The following CEP290 variants were observed in gnomAD, a reference collection of about 807,000 sequenced individuals.
CEP290 encodes centrosomal protein of 290 kDa.
A neutral mutation model predicts 344.9 loss-of-function variants in CEP290; 317 were observed. The observed-to-expected ratio is 0.92, with a 90% CI of 0.84 to 1.01. The LOEUF (loss-of-function observed/expected upper bound fraction) is 1.01. Ranked by LOEUF, CEP290 falls within the 50% of genes least tolerant of loss-of-function variation. The pLI, the probability that CEP290 is intolerant of heterozygous loss-of-function variation, is 0.00. For missense variants in CEP290, 2,754 were observed against 2,761.4 expected (o/e 1.00, Z 0.06); for synonymous variants, 932 against 895.8 (o/e 1.04, Z -0.72).
At position 88,107,060 on chromosome 12, in the gene CEP290, T is replaced by G; in HGVS notation, c.2522A>C (p.Lys841Thr). Reference sequence around the variant, plus strand: ...ATCCTCAAGTTTTCTCTTTTCCTCTTTTATTGTTTTAGATTCTGTTTTCCA... The same window carrying G: ...ATCCTCAAGTTTTCTCTTTTCCTCTGTTATTGTTTTAGATTCTGTTTTCCA... ...ETWKTESKTI[K>T]EEKRKLEDQV... is the part of the protein sequence containing the mutation. Residue 841 changes from lysine (K) to threonine (T), a missense_variant, in exon 24 of 54, where the codon AAA becomes ACA. Lys to Thr is a moderately conservative substitution (Grantham distance 78). Coordinates refer to ENST00000552810, the MANE Select transcript of CEP290 (RefSeq NM_025114.4). 10 of 1,553,406 alleles carry G rather than the reference T, an allele frequency of 6.4e-6. No homozygotes were observed. Among genetic ancestry groups the G allele is most frequent in the Non-Finnish European group, 8.7e-6 (10 of 1,150,288 alleles).
chr12:88,122,524 C>A (rs2039467346), intron 13 of CEP290, among the ~76,000 whole-genome samples: 1 of 152,118 alleles, frequency 6.6e-6, no homozygotes, highest in Admixed American at 6.6e-5. Flanking sequence ...AGGAAGAATA[C>A]CATTAGCCAT....
At chr12:88,080,593 C>G (rs2036130190) in intron 37 of CEP290, among the ~76,000 whole-genome samples, 198 bp from the exon 38 acceptor site, 1 of 152,036 alleles carries the variant, frequency 6.6e-6, no homozygotes, top group South Asian at 2.1e-4. Flanking sequence ...TCAGGCCCAG[C>G]TAATTTTTGT....
intron 5 of CEP290, among the ~76,000 whole-genome samples, 169 bp from the exon 6 acceptor site, chr12:88,136,955 TAAG>T (rs778371357): frequency 1.2e-4 from 18 of 152,144 alleles, no homozygotes; most frequent in South Asian, 4.1e-4. Flanking sequence ...TTAACTTACT[TAAG>T]GTTAGTTCAC....
chr12:88,049,638 GTCT>G (rs2033286703), intron 53 of CEP290: 1 of 370,708 alleles, frequency 2.7e-6, no homozygotes, highest in Non-Finnish European at 4.8e-6. Flanking sequence ...TTGTGTTCTA[GTCT>G]TTGACTAAAA....
At chr12:88,071,660 T>C (rs1044033893) in intron 42 of CEP290, 121 bp downstream of exon 42, 1 of 880,800 alleles carries the variant, frequency 1.1e-6, no homozygotes, top group Non-Finnish European at 1.7e-6. Flanking sequence ...AAATCATAGA[T>C]AATAAATGAT....
At chr12:88,089,590 A>G (rs2036862515) in intron 30 of CEP290, 103 bp from the exon 31 acceptor site, 1 of 771,680 alleles carries the variant, frequency 1.3e-6, no homozygotes, top group Non-Finnish European at 1.9e-6. Flanking sequence ...GTTTTAACAC[A>G]GTGGCACATG....
intron 26 of CEP290, among the ~76,000 whole-genome samples, chr12:88,097,873 A>C (rs1565862428): frequency 6.6e-6 from 1 of 152,106 alleles, no homozygotes; most frequent in Non-Finnish European, 1.5e-5. Context: ...TGATGTTTAC[A>C]GTGAAAAGAA....
intron 46 of CEP290, among the ~76,000 whole-genome samples, chr12:88,061,868 T>C: frequency 6.6e-6 from 1 of 152,044 alleles, no homozygotes; most frequent in East Asian, 1.9e-4. Flanking sequence ...AACCTCCGCC[T>C]GCCAGGTTCA....
chr12:88,054,465 G>A (rs943317354), intron 50 of CEP290, 52 bp from the exon 51 acceptor site: 1 of 1,285,972 alleles, frequency 7.8e-7, no homozygotes, highest in South Asian at 1.3e-5. Context: ...GAAATATGAG[G>A]ATTTATAAAG....
chr12:88,115,141 ATC>A lies in CEP290; in HGVS notation c.1864_1865del (p.Asp622PhefsTer5), dbSNP rs1033594764. 3 of 1,496,952 alleles carry A rather than the reference ATC, an allele frequency of 2.0e-6. No individual in the cohort carries two copies. Among genetic ancestry groups the A allele is most frequent in the South Asian group, 1.2e-5 (1 of 80,702 alleles). 92.7% of individuals were successfully genotyped at this position (1,496,952 alleles called of 1,614,324 possible). A position where few individuals can be genotyped will look rare whatever the true frequency, so the allele number is the denominator to read the frequency against. ...CTATCACTGTCCTACTCCTTTCTAA[ATC>A]TCTTTCTTTTTCAATTAGTTCTCTT... is the stretch of plus-strand genomic sequence containing the variant. Reference protein sequence around the residue: ...LSRELIEKERDLERSRTVIAK... With the variant: ...LSRELIEKERXLERSRTVIAK... On this transcript the variant is annotated frameshift_variant, in exon 19 of 54. Transcript: ENST00000552810. LOFTEE classifies it high-confidence loss of function.
chr12:88,111,760 CT>C lies in CEP290; in HGVS notation c.2150del (p.Gln717ArgfsTer11). The C allele has an allele frequency of 6.2e-7, 1 of 1,605,040 alleles. No individual in the cohort carries two copies. ...QLTGRNEELRQELRESRKEAI... is the reference protein window; with the variant it reads ...QLTGRNEELRXELRESRKEAI... Reference sequence around the variant, plus strand: ...CCTCTTTCCGAGATTCCCTGAGCTCCTGTCTTAATTCTTCATTTCTTCCGGT... The same window carrying C: ...CCTCTTTCCGAGATTCCCTGAGCTCCGTCTTAATTCTTCATTTCTTCCGGT... On this transcript the variant is annotated frameshift_variant, in exon 21 of 54. Coordinates refer to ENST00000552810, the MANE Select transcript of CEP290 (RefSeq NM_025114.4). LOFTEE classifies it high-confidence loss of function.
At chr12:88,061,777 CT>C (rs869262265) in intron 46 of CEP290, among the ~76,000 whole-genome samples, 292 of 143,622 alleles carry the variant, frequency 2.0e-3, no homozygotes, top group South Asian at 2.9e-3. Context: ...AATATTTTTC[CT>C]TTTTTTTTTT....
intron 52 of CEP290, among the ~76,000 whole-genome samples, 178 bp downstream of exon 52, chr12:88,053,474 G>C (rs1383553859): frequency 6.7e-6 from 1 of 149,102 alleles, no homozygotes; most frequent in South Asian, 2.1e-4. Flanking sequence ...ACAACACAAA[G>C]AGAAAAATGG....
chr12:88,086,185 T>C lies in CEP290; in HGVS notation c.4303-12A>G, dbSNP rs2137214390. 1.2e-6 allele frequency: 2 copies of C among 1,601,048 alleles called. No homozygotes were observed. Among genetic ancestry groups the C allele is most frequent in the East Asian group, 2.2e-5 (1 of 44,718 alleles). On this transcript the variant is annotated splice_polypyrimidine_tract_variant and intron_variant, in intron 33 of 53. Transcript: ENST00000552810. ...GTAGCTTCTTCAAACTATTAAGAAA[T>C]AGTATGTTTTTTAAAAAAGCAGTTG...
In CEP290 at chr12:88,089,032, C is replaced by T. The variant is rs1057519245; in HGVS notation, c.4029G>A (p.Lys1343=). ...AAAAAAATCAAGTTTAAATGTTTACCTTTTGGGCTCCTTTGGTATCCTTTA... is the reference window on the plus strand; with the variant it reads ...AAAAAAATCAAGTTTAAATGTTTACTTTTTGGGCTCCTTTGGTATCCTTTA... ...STLKDTKGAQ[K]VINWHMKIEE... The change falls in exon 31 of 54, where the codon AAG becomes AAA. Residue 1343 remains lysine, a splice_region_variant and synonymous_variant. Coordinates refer to ENST00000552810, the MANE Select transcript of CEP290 (RefSeq NM_025114.4). 8 of 1,485,614 alleles carry T rather than the reference C, an allele frequency of 5.4e-6. No individual in the cohort carries two copies. Among genetic ancestry groups the T allele is most frequent in the African/African-American group, 1.4e-5 (1 of 70,536 alleles). The allele number at this position is 1,485,614 out of a possible 1,614,324, so 92.0% of individuals were successfully genotyped here.
At chr12:88,089,006 A>C in intron 31 of CEP290, 26 bp downstream of exon 31, 1 of 1,473,382 alleles carries the variant, frequency 6.8e-7, no homozygotes, top group Non-Finnish European at 9.1e-7. Context: ...GTCTCTTAAA[A>C]AAAAAAATCA....
chr12:88,068,888 T>C (rs530694711), intron 43 of CEP290, among the ~76,000 whole-genome samples: 1 of 152,260 alleles, frequency 6.6e-6, no homozygotes, highest in South Asian at 2.1e-4. Flanking sequence ...AAAGTATATT[T>C]TGATTTACTG....
chr12:88,052,637 A>G (rs1435021600), intron 52 of CEP290, among the ~76,000 whole-genome samples: 2 of 151,486 alleles, frequency 1.3e-5, no homozygotes, highest in African/African-American at 4.9e-5. Context: ...GCATATATAT[A>G]CATACACGCA....
intron 10 of CEP290, among the ~76,000 whole-genome samples, 194 bp from the exon 11 acceptor site, chr12:88,129,229 A>G (rs1467233455): frequency 6.6e-6 from 1 of 151,966 alleles, no homozygotes; most frequent in African/African-American, 2.4e-5. Context: ...TCCTGGAATT[A>G]TAGGTGACAT....
Sources: gnomAD v4.1 joint callset for allele counts (sites outside exome capture counted in the v4.1 genomes callset) on GRCh38, gnomAD v4.1.1 for gene constraint, MANE v1.5 for transcripts, NCBI Gene and HGNC (gene_info 2026-07-23, HGNC 2026-07-21) for gene names.